Variants in POU6F2 observed in about 807,000 individuals in gnomAD.
The protein encoded by POU6F2 is POU class 6 homeobox 2.
POU6F2 carries 31 observed loss-of-function variants against 71.3 expected under a neutral mutation model. That is an observed-to-expected ratio of 0.43 (90% CI 0.33 to 0.59). The LOEUF is 0.59. POU6F2 is among the 20% of genes least tolerant of loss of function. The pLI is 0.04. For synonymous variants in POU6F2, 347 were observed against 355.7 expected, an observed-to-expected ratio of 0.98 and a Z score of 0.27; for missense variants, 783 against 856.8, an observed-to-expected ratio of 0.91 and a Z score of 1.07.
intron 1 of POU6F2, among the ~76,000 whole-genome samples, chr7:39,001,258 A>ATT (rs397937606): frequency 4.3e-4 from 64 of 147,346 alleles, no homozygotes; most frequent in African/African-American, 1.5e-3. Context: ...GGCCATTTTG[A>ATT]TTTTTTTTTT....
At chr7:39,267,186 A>T (rs1784262044) in intron 4 of POU6F2, among the ~76,000 whole-genome samples, 1 of 152,186 alleles carries the variant, frequency 6.6e-6, no homozygotes, top group Non-Finnish European at 1.5e-5. Context: ...GGGTGAATAG[A>T]ACTACGGGAG....
intron 2 of POU6F2, among the ~76,000 whole-genome samples, chr7:39,153,026 A>G (rs1371448369): frequency 2.0e-5 from 3 of 152,164 alleles, no homozygotes; most frequent in Non-Finnish European, 2.9e-5. Context: ...CGCTTACTCA[A>G]GTGAGGTCTC....
intron 5 of POU6F2, among the ~76,000 whole-genome samples, chr7:39,377,091 CTT>C (rs947021176): frequency 8.1e-5 from 12 of 147,846 alleles, no homozygotes; most frequent in Non-Finnish European, 1.8e-4. Context: ...TATTAAATAA[CTT>C]AAATATTAAA....
intron 6 of POU6F2, among the ~76,000 whole-genome samples, chr7:39,432,421 A>C (rs1309396252): frequency 6.6e-6 from 1 of 152,134 alleles, no homozygotes; most frequent in East Asian, 1.9e-4. Context: ...CAATTCTCTC[A>C]AGCCTTCAGA....
At chr7:39,328,550 A>G (rs1785568936) in intron 4 of POU6F2, among the ~76,000 whole-genome samples, 1 of 152,226 alleles carries the variant, frequency 6.6e-6, no homozygotes, top group Admixed American at 6.5e-5. Context: ...TTAGTGTCCT[A>G]GGCTGGATCA....
chr7:39,013,064 A>AGCTTCCC (rs1789353278), intron 1 of POU6F2: 1 of 152,228 alleles, frequency 6.6e-6, no homozygotes, highest in African/African-American at 2.4e-5. Flanking sequence ...ACCCAGTTCG[A>AGCTTCCC]GCTTCCCGGC....
intron 1 of POU6F2, among the ~76,000 whole-genome samples, chr7:39,081,869 T>G (rs1340785583): frequency 6.6e-6 from 1 of 152,228 alleles, no homozygotes; most frequent in African/African-American, 2.4e-5. Flanking sequence ...ACTCAACGCC[T>G]ACTGGGTAAA....
At chr7:39,253,066 G>A (rs1233814000) in intron 4 of POU6F2, among the ~76,000 whole-genome samples, 6 of 152,178 alleles carry the variant, frequency 3.9e-5, no homozygotes, top group Non-Finnish European at 7.3e-5. Context: ...GTTAGTGCAG[G>A]AAGGAATGCA....
intron 2 of POU6F2, among the ~76,000 whole-genome samples, chr7:39,099,225 A>G (rs992814650): frequency 2.6e-5 from 4 of 152,248 alleles, no homozygotes; most frequent in Non-Finnish European, 5.9e-5. Context: ...TTCAAATAAT[A>G]GCGATTTTAA....
chr7:39,434,453 A>C (rs1243080288), intron 7 of POU6F2, among the ~76,000 whole-genome samples: 1 of 152,108 alleles, frequency 6.6e-6, no homozygotes, highest in African/African-American at 2.4e-5. Context: ...ATGAGGATTA[A>C]ATGAGTTAAT....
At position 39,464,171 on chromosome 7, in the gene POU6F2, T is replaced by A; in HGVS notation, c.1659-11T>A. On this transcript the variant is annotated splice_polypyrimidine_tract_variant and intron_variant, in intron 9 of 9. Coordinates refer to ENST00000518318, the MANE Select transcript of POU6F2 (RefSeq NM_001370959.1). This position sits in a 1 kb window ranked among gnomAD's most constrained non-coding sequence, Gnocchi z 4.1. ...AGTGTAAGACTGTTCTTTCTCAATT[T>A]TCCCCCCCAGACACACCATCCTGAG... 6.2e-7 allele frequency: 1 copy of A among 1,611,266 alleles called. No homozygotes were observed. Among genetic ancestry groups the A allele is most frequent in the Non-Finnish European group, 8.5e-7 (1 of 1,178,090 alleles).
intron 1 of POU6F2, among the ~76,000 whole-genome samples, chr7:39,078,858 T>A (rs1208093946): frequency 6.6e-6 from 1 of 152,046 alleles, no homozygotes; most frequent in Admixed American, 6.5e-5. Context: ...GGGAAATGAG[T>A]GCCTTGGTTC....
intron 4 of POU6F2, among the ~76,000 whole-genome samples, chr7:39,284,196 T>C (rs552685611): frequency 6.6e-6 from 1 of 152,228 alleles, no homozygotes; most frequent in Non-Finnish European, 1.5e-5. Context: ...ATATTGGAGA[T>C]CTGACTGATT....
chr7:39,121,436 G>A (rs1429406752), intron 2 of POU6F2, among the ~76,000 whole-genome samples: 1 of 152,172 alleles, frequency 6.6e-6, no homozygotes, highest in African/African-American at 2.4e-5. Flanking sequence ...CCTTTGCCAG[G>A]TGGCACAATT....
chr7:39,125,238 G>A lies in POU6F2; in HGVS notation c.277+39207G>A, dbSNP rs144323423. 3.0e-3 allele frequency among the ~76,000 whole-genome samples: 457 copies of A among 152,252 alleles called. 1 individual carries two copies. Among genetic ancestry groups the A allele is most frequent in the African/African-American group, 0.01 (432 of 41,550 alleles). On this transcript the variant is annotated intron_variant, in intron 2 of 9. Coordinates refer to ENST00000518318, the MANE Select transcript of POU6F2 (RefSeq NM_001370959.1). ...ACTTTGAACTATGTGTTTGTGAGGTGAGCATTTATGTATCTGTGGCAGTGT... is the reference window on the plus strand; with the variant it reads ...ACTTTGAACTATGTGTTTGTGAGGTAAGCATTTATGTATCTGTGGCAGTGT...
At chr7:39,150,782 A>G (rs1792740643) in intron 2 of POU6F2, among the ~76,000 whole-genome samples, 1 of 151,934 alleles carries the variant, frequency 6.6e-6, no homozygotes, top group African/African-American at 2.4e-5. Flanking sequence ...CTACATTTCT[A>G]TCAACAGTGT....
chr7:39,339,842 CCTA>C lies in POU6F2; in HGVS notation c.801_803del (p.Thr268del). ...ACCCGCCTCTCAGCAGCCGCCAGCT[CCTA>C]CATCTCAGCTGCAACAGGCGCCTCA... On this transcript the variant is annotated inframe_deletion, in exon 5 of 10. Coordinates refer to ENST00000518318, the MANE Select transcript of POU6F2 (RefSeq NM_001370959.1). 6.2e-7 allele frequency: 1 copy of C among 1,603,792 alleles called. No homozygotes were observed. Among genetic ancestry groups the C allele is most frequent in the South Asian group, 1.1e-5 (1 of 90,010 alleles).
At chr7:39,456,209 G>A (rs1326701441) in intron 8 of POU6F2, among the ~76,000 whole-genome samples, 3 of 152,168 alleles carry the variant, frequency 2.0e-5, no homozygotes, top group Non-Finnish European at 4.4e-5. Context: ...GATTTTACCT[G>A]AAGTTCCCAT....
At chr7:39,139,654 G>T (rs1294539014) in intron 2 of POU6F2, among the ~76,000 whole-genome samples, 1 of 152,124 alleles carries the variant, frequency 6.6e-6, no homozygotes, top group Non-Finnish European at 1.5e-5. Context: ...CAGAAGCCAG[G>T]CTGGGAAGGA....
Sources: gnomAD v4.1 joint callset for allele counts (sites outside exome capture counted in the v4.1 genomes callset) on GRCh38, gnomAD v4.1.1 for gene constraint, Gnocchi (gnomAD v3.1) non-coding constraint, MANE v1.5 for transcripts, NCBI Gene and HGNC (gene_info 2026-07-23, HGNC 2026-07-21) for gene names.